ZEB2: variants seen among roughly 807,000 people sequenced by gnomAD.
ZEB2 encodes the protein zinc finger E-box binding homeobox 2.
Under a neutral mutation model 99.9 loss-of-function variants are expected in ZEB2, and 6 were observed. The ratio of observed to expected loss-of-function variants is 0.06; its 90% confidence interval spans 0.03 to 0.12. The LOEUF (loss-of-function observed/expected upper bound fraction) is 0.12, where lower values mean the gene tolerates loss of function less well. ZEB2 is among the 10% of genes least tolerant of loss of function. The pLI, the probability that ZEB2 is intolerant of heterozygous loss-of-function variation, is 1.00. For missense variants in ZEB2, 969 were observed against 1,502.8 expected (o/e 0.64, Z 5.87); for synonymous variants, 517 against 542.5 (o/e 0.95, Z 0.65).
chr2:144,484,185 T>TGTGTGTGTGTGTGTGTGTGTG (rs1704560817), intron 2 of ZEB2, among the ~76,000 whole-genome samples: 8 of 142,416 alleles, frequency 5.6e-5, no homozygotes, highest in Admixed American at 7.0e-5. Flanking sequence ...AAATCTGGAT[T>TGTGTGTGTGTGTGTGTGTGTG]TGTGTGTGTG....
intron 2 of ZEB2, among the ~76,000 whole-genome samples, chr2:144,448,362 C>T (rs186676622): frequency 1.6e-4 from 24 of 152,214 alleles, no homozygotes; most frequent in African/African-American, 5.5e-4. Flanking sequence ...GGTAGGCAGC[C>T]GGACTCCATT....
chr2:144,443,872 AAAC>A (rs1703949568), intron 2 of ZEB2, among the ~76,000 whole-genome samples: 1 of 152,174 alleles, frequency 6.6e-6, no homozygotes, highest in African/African-American at 2.4e-5. Context: ...AAAAAAAAAA[AAAC>A]AGTTTGTACT....
chr2:144,480,733 AAAAAAAAG>A (rs200733168), intron 2 of ZEB2, among the ~76,000 whole-genome samples: 86,329 of 140,812 alleles, frequency 0.61, 26,120 homozygotes, highest in Non-Finnish European at 0.7. Flanking sequence ...AGTTAAAAAA[AAAAAAAAG>A]AAAAAAAAGG....
chr2:144,393,659 C>T (rs1014163497), intron 9 of ZEB2, among the ~76,000 whole-genome samples: 3 of 152,132 alleles, frequency 2.0e-5, no homozygotes, highest in Non-Finnish European at 2.9e-5. Flanking sequence ...AATAGAAAAT[C>T]CATGAAGAAC....
rs778602450 is a variant in ZEB2, at chr2:144,399,651, A to G, written c.1536T>C (p.Gly512=). 1.2e-6 allele frequency: 2 copies of G among 1,614,220 alleles called. No homozygotes were observed. The stretch of plus-strand genomic sequence containing the variant: ...CACCATTATGACTCACTACCGGAAG[A>G]CCGACAGGCGGAATATTAGGAGAAG... The part of the protein sequence containing the change: ...GVTSPNIPPV[G]LPVVSHNGAT... The change falls in exon 8 of 10, where the codon GGT becomes GGC. Residue 512 remains glycine (G), a synonymous_variant. Transcript: ENST00000627532. This position sits in a 1 kb window ranked among gnomAD's most constrained non-coding sequence, Gnocchi z 5.6.
At chr2:144,490,461 C>T (rs748666508) in intron 2 of ZEB2, among the ~76,000 whole-genome samples, 2 of 152,132 alleles carry the variant, frequency 1.3e-5, no homozygotes, top group Non-Finnish European at 2.9e-5. Flanking sequence ...ACAGAAATCT[C>T]TTGCAGAGAT....
chr2:144,511,509 CT>C, intron 2 of ZEB2: 1 of 1,282,022 alleles, frequency 7.8e-7, no homozygotes, highest in South Asian at 1.3e-5. Context: ...AAGGCAAAGG[CT>C]TCCATGGAGC....
chr2:144,502,076 C>G (rs553846372), intron 2 of ZEB2, among the ~76,000 whole-genome samples: 1 of 152,156 alleles, frequency 6.6e-6, no homozygotes, highest in Non-Finnish European at 1.5e-5. Flanking sequence ...TAAGAAAGCA[C>G]GCTTAGGGCA....
At chr2:144,465,259 TTACTTCCCTCATGTTTG>T (rs760297575) in intron 2 of ZEB2, among the ~76,000 whole-genome samples, 15 of 152,188 alleles carry the variant, frequency 9.9e-5, no homozygotes, top group Non-Finnish European at 1.6e-4. Context: ...CACTGAGATT[TTACTTCCCTCATGTTTG>T]TCTCCTCCAA....
rs12618034 is a variant in ZEB2, at chr2:144,402,478, C to A, written c.808-1171G>T. Among the ~76,000 whole-genome samples, 116 of 152,280 alleles carry A rather than the reference C, an allele frequency of 7.6e-4. 2 individuals carry two copies. In the East Asian group the frequency reaches 0.019, roughly 25 times the overall value. On this transcript the variant is annotated intron_variant, in intron 6 of 9. Coordinates refer to ENST00000627532, the MANE Select transcript of ZEB2 (RefSeq NM_014795.4). Reference sequence around the variant, plus strand: ...CCAGCGCTCATATGTTGCTGAGTTGCATAAACAAACAGCAACAGCTGCTTT... The same window carrying A: ...CCAGCGCTCATATGTTGCTGAGTTGAATAAACAAACAGCAACAGCTGCTTT...
At chr2:144,453,957 C>T (rs957357439) in intron 2 of ZEB2, among the ~76,000 whole-genome samples, 1 of 152,114 alleles carries the variant, frequency 6.6e-6, no homozygotes, top group Non-Finnish European at 1.5e-5. Context: ...CAGCGCAATG[C>T]CGTGTTAGAA....
rs908922006 is a variant in ZEB2, at chr2:144,430,041, C to A, written c.74-15G>T. 5.0e-6 allele frequency: 8 copies of A among 1,611,350 alleles called. No individual in the cohort carries two copies. In the African/African-American group the frequency reaches 8.0e-5, roughly 16 times the overall value. On this transcript the variant is annotated splice_polypyrimidine_tract_variant and intron_variant, in intron 2 of 9. Coordinates refer to ENST00000627532, the MANE Select transcript of ZEB2 (RefSeq NM_014795.4). ...ATAGTTCACCACTGCAGAAGAAGCACAAAACACACTCTCTAAACACTCTGT... is the reference window on the plus strand; with the variant it reads ...ATAGTTCACCACTGCAGAAGAAGCAAAAAACACACTCTCTAAACACTCTGT...
intron 2 of ZEB2, among the ~76,000 whole-genome samples, chr2:144,432,936 T>C (rs1403425861): frequency 6.6e-6 from 1 of 152,192 alleles, no homozygotes; most frequent in Non-Finnish European, 1.5e-5. Context: ...ACTTATGATA[T>C]ATATCTTTTT....
chr2:144,509,978 A>C (rs1705007783), intron 2 of ZEB2, among the ~76,000 whole-genome samples: 1 of 152,150 alleles, frequency 6.6e-6, no homozygotes, highest in African/African-American at 2.4e-5. Context: ...ACAAATCCTG[A>C]AGCATCCAGT....
At chr2:144,480,976 G>A (rs1431913896) in intron 2 of ZEB2, among the ~76,000 whole-genome samples, 1 of 151,806 alleles carries the variant, frequency 6.6e-6, no homozygotes, top group East Asian at 1.9e-4. Flanking sequence ...GCTTCAATCT[G>A]TTTTTTTCTA....
In ZEB2 at chr2:144,384,132, G is replaced by C. The variant is rs1174668247; in HGVS notation, c.*5319C>G. 6.6e-6 allele frequency: 1 copy of C among 152,022 alleles called. No homozygotes were observed. The highest frequency in any genetic ancestry group is 6.6e-5 in the Admixed American group (1 of 15,258). 9.4% of individuals were successfully genotyped at this position (152,022 alleles called of 1,614,324 possible). A position where few individuals can be genotyped will look rare whatever the true frequency, so the allele number is the denominator to read the frequency against. ...GTATTTTTTACTCATCATTTTCTTT[G>C]ACTAAAATTATTAGAATCTTTGTCA... On this transcript the variant is annotated 3_prime_UTR_variant, in exon 10 of 10. Coordinates refer to ENST00000627532, the MANE Select transcript of ZEB2 (RefSeq NM_014795.4).
intron 2 of ZEB2, among the ~76,000 whole-genome samples, chr2:144,447,680 T>C (rs1704003740): frequency 6.6e-6 from 1 of 152,240 alleles, no homozygotes; most frequent in South Asian, 2.1e-4. Context: ...TGAAGCATGA[T>C]GGTCCCTAAC....
intron 2 of ZEB2, among the ~76,000 whole-genome samples, chr2:144,503,143 C>A (rs935430935): frequency 6.6e-6 from 1 of 152,106 alleles, no homozygotes; most frequent in African/African-American, 2.4e-5. Flanking sequence ...AGGCTACTGG[C>A]AATCTATTTA....
At chr2:144,517,751 C>A in intron 1 of ZEB2, 1 of 696,290 alleles carries the variant, frequency 1.4e-6, no homozygotes, top group Non-Finnish European at 2.6e-6. Context: ...CGGACCCTTT[C>A]CTTCGAAAAG....
Sources: allele counts gnomAD v4.1 joint callset (sites outside exome capture counted in the v4.1 genomes callset), GRCh38; gene constraint gnomAD v4.1.1; non-coding constraint Gnocchi (gnomAD v3.1); transcripts MANE v1.5; gene names NCBI Gene and HGNC (gene_info 2026-07-23, HGNC 2026-07-21).